PCGF5: variants seen among roughly 807,000 people sequenced by gnomAD.
The protein encoded by PCGF5 is polycomb group RING finger protein 5.
Under a neutral mutation model 44.3 loss-of-function variants are expected in PCGF5, and 9 were observed. The ratio of observed to expected loss-of-function variants is 0.20; its 90% CI spans 0.12 to 0.35. The LOEUF is 0.35. Ranked by LOEUF, PCGF5 falls within the 10% of genes least tolerant of loss-of-function variation. PCGF5 has a pLI of 1.00. For synonymous variants in PCGF5, 95 were observed against 102.5 expected (o/e 0.93, Z 0.44); for missense variants, 146 against 305.3 (o/e 0.48, Z 3.89).
chr10:91,173,190 T>C (rs571891685), intron 1 of PCGF5, among the ~76,000 whole-genome samples: 2 of 152,212 alleles, frequency 1.3e-5, no homozygotes, highest in Non-Finnish European at 2.9e-5. Context: ...ATTTAAGAGC[T>C]TAATTTTTAA....
intron 6 of PCGF5, among the ~76,000 whole-genome samples, chr10:91,258,748 T>C (rs1170988761): frequency 1.3e-5 from 2 of 152,148 alleles, no homozygotes; most frequent in Non-Finnish European, 2.9e-5. Context: ...GGGTAGAATA[T>C]GTGTTGATTT....
In PCGF5 at chr10:91,282,005, A is replaced by G. The variant is rs1281114216; in HGVS notation, c.*3689A>G. On this transcript the variant is annotated 3_prime_UTR_variant, in exon 10 of 10. Transcript: ENST00000336126. ...ATTTCATGGAGGCAGTGTTAACTAA[A>G]ATTAAGCTTAGATTTAGCTCCTGTA... 6.6e-6 allele frequency: 1 copy of G among 152,220 alleles called. No homozygotes were observed. The highest frequency in any genetic ancestry group is 1.5e-5 in the Non-Finnish European group (1 of 68,026). 9.4% of individuals were successfully genotyped at this position (152,220 alleles called of 1,614,324 possible).
rs749097095 is a variant in PCGF5 at position 91,174,547 on chromosome 10, A to G, written c.-184+11466A>G. 4.6e-5 allele frequency among the ~76,000 whole-genome samples: 7 copies of G among 152,360 alleles called. No individual in the cohort carries two copies. The South Asian group carries it at 1.4e-3, about 32-fold the overall frequency. On this transcript the variant is annotated intron_variant, in intron 1 of 9. Coordinates refer to the PCGF5 transcript ENST00000614189. ...ATTTTTATTTGTTTGATTATAATCT[A>G]CTGTAATAAATCCTATCATGCTTTA...
chr10:91,266,646 T>C (rs570582865), intron 8 of PCGF5, among the ~76,000 whole-genome samples: 1 of 152,198 alleles, frequency 6.6e-6, no homozygotes, highest in Non-Finnish European at 1.5e-5. Flanking sequence ...ACCTGTTTTT[T>C]AGTTGCTTTC....
intron 1 of PCGF5, among the ~76,000 whole-genome samples, chr10:91,208,777 G>A (rs1844394881): frequency 6.6e-6 from 1 of 152,186 alleles, no homozygotes; most frequent in African/African-American, 2.4e-5. Flanking sequence ...CTTTCAGGGA[G>A]CTGGCTTCAG....
chr10:91,164,166 C>CTGCA (rs1843452065), intron 1 of PCGF5, among the ~76,000 whole-genome samples: 2 of 152,342 alleles, frequency 1.3e-5, no homozygotes, highest in South Asian at 4.1e-4. Context: ...AGTGGCCCCT[C>CTGCA]TGCAGTGATG....
chr10:91,191,305 A>G (rs1306185554), intron 1 of PCGF5, among the ~76,000 whole-genome samples: 1 of 152,204 alleles, frequency 6.6e-6, no homozygotes, highest in Non-Finnish European at 1.5e-5. Flanking sequence ...TGCAACAGTC[A>G]ATCTGATAAC....
upstream of PCGF5, chr10:91,220,281 G>A (rs1844630961): frequency 6.6e-6 from 1 of 152,206 alleles, no homozygotes; most frequent in South Asian, 2.1e-4. Context: ...TTCGGCGCAG[G>A]TGGGACAGAC....
intron 2 of PCGF5, among the ~76,000 whole-genome samples, chr10:91,230,680 A>G (rs773429972): frequency 9.2e-5 from 14 of 152,074 alleles, no homozygotes; most frequent in Non-Finnish European, 1.9e-4. Flanking sequence ...ATCTCGGCTC[A>G]CTGCAACCTC....
upstream of PCGF5, among the ~76,000 whole-genome samples, chr10:91,218,355 C>A (rs1844586029): frequency 6.6e-6 from 1 of 152,094 alleles, no homozygotes; most frequent in African/African-American, 2.4e-5. Context: ...CCAGTTGCTT[C>A]CAGGCCTTTG....
Position 91,271,502 on chromosome 10 carries a change from A to G in PCGF5, c.664-136A>G, listed in dbSNP as rs547332453. 6.4e-6 allele frequency: 4 copies of G among 628,544 alleles called. No homozygotes were observed. The Admixed American group carries it at 1.3e-4, about 21-fold the overall frequency. The allele number at this position is 628,544 out of a possible 1,614,324, so 38.9% of individuals were successfully genotyped here. A position where few individuals can be genotyped will look rare whatever the true frequency, so the allele number is the denominator to read the frequency against. On this transcript the variant is annotated intron_variant, in intron 8 of 9. Transcript: ENST00000336126. ...AATCTTTTTTTCAAAAACAACCACC[A>G]TTTTTTTGGAAAGTGTTTATTTACC...
At chr10:91,186,037 A>G (rs751107130) in intron 1 of PCGF5, among the ~76,000 whole-genome samples, 3 of 152,146 alleles carry the variant, frequency 2.0e-5, no homozygotes, top group Non-Finnish European at 2.9e-5. Context: ...CCCTGCTTCA[A>G]TATTTATTTC....
chr10:91,276,607 G>C (rs763107887), intron 9 of PCGF5, among the ~76,000 whole-genome samples: 17 of 152,228 alleles, frequency 1.1e-4, no homozygotes, highest in Non-Finnish European at 2.1e-4. Context: ...TGGCTACTTG[G>C]AGGAGAAAAC....
intron 1 of PCGF5, among the ~76,000 whole-genome samples, chr10:91,211,696 A>G (rs942973788): frequency 2.0e-5 from 3 of 152,196 alleles, no homozygotes; most frequent in Non-Finnish European, 4.4e-5. Flanking sequence ...AAGAAGAGGA[A>G]GAGGAGGAGG....
intron 1 of PCGF5, among the ~76,000 whole-genome samples, chr10:91,186,732 A>T (rs1017794543): frequency 1.3e-5 from 2 of 152,110 alleles, no homozygotes; most frequent in Admixed American, 1.3e-4. Flanking sequence ...TAACTGTTTC[A>T]CTTCAAGCCA....
At chr10:91,168,827 CTGAGG>C (rs1263293224) in intron 1 of PCGF5, among the ~76,000 whole-genome samples, 2 of 145,610 alleles carry the variant, frequency 1.4e-5, no homozygotes, top group Admixed American at 1.4e-4. Context: ...ACTAGGGCTG[CTGAGG>C]CAGGAGAATC....
In PCGF5 at chr10:91,194,166, G is replaced by A. The variant is rs78127446; in HGVS notation, c.-183-28523G>A. ...AGGCAGAATAATGGCCTCTAAAGAT[G>A]TTCATCCTAATCCCCAGAAAATGTG... On this transcript the variant is annotated intron_variant, in intron 1 of 9. Coordinates refer to the PCGF5 transcript ENST00000614189. Among the ~76,000 whole-genome samples the A allele has an allele frequency of 3.1e-3, 466 of 152,286 alleles. 1 individual carries two copies. Among genetic ancestry groups the A allele is most frequent in the Non-Finnish European group, 5.5e-3 (371 of 68,024 alleles).
chr10:91,246,966 GA>G, intron 3 of PCGF5, among the ~76,000 whole-genome samples: 1 of 446 alleles, frequency 2.2e-3, no homozygotes, highest in Non-Finnish European at 4.8e-3. Flanking sequence ...TGGATAGATG[GA>G]TAGATAGATA....
At chr10:91,227,851 T>C in intron 2 of PCGF5, 3 of 980,906 alleles carry the variant, frequency 3.1e-6, no homozygotes, top group Non-Finnish European at 3.6e-6. Flanking sequence ...CAGCTAGCAG[T>C]TACCCATCCT....
Sources: allele counts gnomAD v4.1 joint callset (sites outside exome capture counted in the v4.1 genomes callset), GRCh38; gene constraint gnomAD v4.1.1; transcripts MANE v1.5; gene names NCBI Gene and HGNC (gene_info 2026-07-23, HGNC 2026-07-21).